Variants in PRKN observed in about 807,000 individuals in gnomAD.
PRKN encodes the protein parkin RBR E3 ubiquitin protein ligase.
In PRKN, 56 loss-of-function variants were observed where a neutral mutation model predicts 59.5. That is an observed-to-expected ratio of 0.94 (90% CI 0.76 to 1.18). The LOEUF is 1.18. PRKN is among the 50% of genes most tolerant of loss of function. The pLI, the probability that PRKN is intolerant of heterozygous loss-of-function variation, is 0.00. For missense variants in PRKN, 657 were observed against 596.4 expected, an observed-to-expected ratio of 1.10 and a Z score of -1.06; for synonymous variants, 250 against 222.1, an observed-to-expected ratio of 1.13 and a Z score of -1.12.
intron 2 of PRKN, among the ~76,000 whole-genome samples, chr6:162,366,208 T>C (rs1562704920): frequency 6.6e-6 from 1 of 152,260 alleles, no homozygotes; most frequent in Non-Finnish European, 1.5e-5. Flanking sequence ...AGAATCTTTT[T>C]ACATTTATCA....
intron 1 of PRKN, among the ~76,000 whole-genome samples, chr6:162,570,185 C>A (rs975267327): frequency 6.6e-6 from 1 of 152,044 alleles, no homozygotes; most frequent in African/African-American, 2.4e-5. Flanking sequence ...ATACAAATGG[C>A]AAACAGGCAT....
intron 1 of PRKN, among the ~76,000 whole-genome samples, chr6:162,595,806 T>C (rs190999181): frequency 1.3e-3 from 194 of 152,304 alleles, no homozygotes; most frequent in African/African-American, 4.5e-3. Context: ...TACTTACTTT[T>C]AACAGGCTCC....
chr6:161,917,917 A>G (rs558454828), intron 6 of PRKN, among the ~76,000 whole-genome samples: 73 of 152,358 alleles, frequency 4.8e-4, no homozygotes, highest in African/African-American at 1.5e-3. Context: ...GAATAAAATT[A>G]TAGGGCAGAA....
In PRKN at chr6:162,568,442, C is replaced by T. The variant is rs376464279; in HGVS notation, c.8-124969G>A. 69 of 608,584 alleles carry T rather than the reference C, an allele frequency of 1.1e-4. 1 individual carries two copies. The highest frequency in any genetic ancestry group is 7.0e-4 in the South Asian group (43 of 61,850). The allele number at this position is 608,584 out of a possible 1,614,324, so 37.7% of individuals were successfully genotyped here. ...CACCTCTATGGGCAGCAGCAGCTTC[C>T]GGGGGTGGCCTGGGTGGAGGCTCTG... On this transcript the variant is annotated intron_variant, in intron 1 of 11. Transcript: ENST00000366898.
At chr6:162,708,155 T>C (rs1231461294) in intron 1 of PRKN, among the ~76,000 whole-genome samples, 3 of 152,186 alleles carry the variant, frequency 2.0e-5, no homozygotes, top group African/African-American at 7.2e-5. Flanking sequence ...TTTGAAAATA[T>C]AAAAAGAATG....
chr6:162,367,056 C>T (rs530722011), intron 2 of PRKN, among the ~76,000 whole-genome samples: 1 of 152,108 alleles, frequency 6.6e-6, no homozygotes, highest in South Asian at 2.1e-4. Context: ...ACGGGAGGGA[C>T]CCGGTGGGAG....
rs1463851566 is a variant in PRKN at position 161,356,474 on chromosome 6, T to C, written c.1285+3614A>G. Among the ~76,000 whole-genome samples, 1 of 152,158 alleles carries C rather than the reference T, an allele frequency of 6.6e-6. No individual in the cohort carries two copies. Among genetic ancestry groups the C allele is most frequent in the Non-Finnish European group, 1.5e-5 (1 of 68,038 alleles). Reference sequence around the variant, plus strand: ...GGCCTTTGAGAAGTCTACACGTCTATGTAGAGGACGGATCATAAATATGCG... The same window carrying C: ...GGCCTTTGAGAAGTCTACACGTCTACGTAGAGGACGGATCATAAATATGCG... On this transcript the variant is annotated intron_variant, in intron 11 of 11. Coordinates refer to ENST00000366898, the MANE Select transcript of PRKN (RefSeq NM_004562.3). This position sits in a 1 kb window ranked among gnomAD's most constrained non-coding sequence, Gnocchi z 7.8.
chr6:162,296,115 G>A (rs917532597), intron 2 of PRKN, among the ~76,000 whole-genome samples: 9 of 152,074 alleles, frequency 5.9e-5, no homozygotes, highest in Non-Finnish European at 2.9e-5. Context: ...AACAAGGAGG[G>A]GAGAGGGACA....
At chr6:161,812,501 A>G (rs754280872) in intron 6 of PRKN, among the ~76,000 whole-genome samples, 8 of 152,230 alleles carry the variant, frequency 5.3e-5, no homozygotes, top group Non-Finnish European at 8.8e-5. Flanking sequence ...TGTTGAGAGT[A>G]TACATAAAAA....
chr6:162,108,474 G>C (rs1780285295), intron 4 of PRKN, among the ~76,000 whole-genome samples: 1 of 152,184 alleles, frequency 6.6e-6, no homozygotes, highest in South Asian at 2.1e-4. Flanking sequence ...TTTACGAAAT[G>C]TCAGTGTTTC....
intron 5 of PRKN, among the ~76,000 whole-genome samples, chr6:162,032,020 C>T (rs1273687220): frequency 6.6e-6 from 1 of 152,152 alleles, no homozygotes; most frequent in African/African-American, 2.4e-5. Context: ...CCTCTGGTTG[C>T]CTTTGTACTC....
rs1445973100 is a variant in PRKN at position 161,354,574 on chromosome 6, G to A, written c.1286-4363C>T. 6.6e-6 allele frequency among the ~76,000 whole-genome samples: 1 copy of A among 152,142 alleles called. No homozygotes were observed. Among genetic ancestry groups the A allele is most frequent in the Non-Finnish European group, 1.5e-5 (1 of 68,028 alleles). On this transcript the variant is annotated intron_variant, in intron 11 of 11. Coordinates refer to ENST00000366898, the MANE Select transcript of PRKN (RefSeq NM_004562.3). This position sits in a 1 kb window ranked among gnomAD's most constrained non-coding sequence, Gnocchi z 6.7. ...TTTCTGGAGACTGGAGTGGATTATA[G>A]GAGAAAGTACCAGGGTTTAGCCTGT... is the stretch of plus-strand genomic sequence containing the variant.
chr6:161,595,498 C>T (rs1214313822), intron 7 of PRKN, among the ~76,000 whole-genome samples: 1 of 152,212 alleles, frequency 6.6e-6, no homozygotes, highest in East Asian at 1.9e-4. Context: ...CAATCTCTTT[C>T]CACGCAGACA....
intron 1 of PRKN, among the ~76,000 whole-genome samples, chr6:162,593,054 T>C (rs1781370746): frequency 6.6e-6 from 1 of 152,078 alleles, no homozygotes; most frequent in Non-Finnish European, 1.5e-5. Context: ...GAGAGACAAG[T>C]GCTGCTGGAT....
chr6:162,479,405 T>A (rs754712245), intron 1 of PRKN, among the ~76,000 whole-genome samples: 1 of 152,036 alleles, frequency 6.6e-6, no homozygotes, highest in East Asian at 1.9e-4. Flanking sequence ...TTTTTTGTAT[T>A]TTTAGTAGAG....
At chr6:162,131,522 A>G (rs1021328788) in intron 4 of PRKN, among the ~76,000 whole-genome samples, 70 of 152,216 alleles carry the variant, frequency 4.6e-4, no homozygotes, top group Admixed American at 4.6e-3. Context: ...GGACTGAATT[A>G]ATGAAGCTAT....
Position 161,447,138 on chromosome 6 carries a change from C to T in PRKN, c.1084-60261G>A, listed in dbSNP as rs1724135439. On this transcript the variant is annotated intron_variant, in intron 9 of 11. Coordinates refer to ENST00000366898, the MANE Select transcript of PRKN (RefSeq NM_004562.3). This position sits in a 1 kb window ranked among gnomAD's most constrained non-coding sequence, Gnocchi z 4.1. Reference sequence around the variant, plus strand: ...CCCACACTGAGCGTTACTATAGCAACATCTTTCCTGCTACTAGGACAGTTA... The same window carrying T: ...CCCACACTGAGCGTTACTATAGCAATATCTTTCCTGCTACTAGGACAGTTA... Among the ~76,000 whole-genome samples the T allele has an allele frequency of 6.6e-6, 1 of 152,178 alleles. No homozygotes were observed. Among genetic ancestry groups the T allele is most frequent in the South Asian group, 2.1e-4 (1 of 4,834 alleles).
Position 161,487,070 on chromosome 6 carries a change from G to A in PRKN, c.1083+61784C>T, listed in dbSNP as rs757720162. 1.3e-5 allele frequency among the ~76,000 whole-genome samples: 2 copies of A among 152,136 alleles called. No homozygotes were observed. The highest frequency in any genetic ancestry group is 1.3e-4 in the Admixed American group (2 of 15,266). ...GTGAATAGGTGCCACGGAGTGAGAC[G>A]GGGAAAGATGGGTGTCCTGGTTGAG... is the stretch of plus-strand genomic sequence containing the variant. On this transcript the variant is annotated intron_variant, in intron 9 of 11. Transcript: ENST00000366898. This position sits in a 1 kb window ranked among gnomAD's most constrained non-coding sequence, Gnocchi z 5.3.
chr6:161,681,003 C>T (rs759553657), intron 7 of PRKN, among the ~76,000 whole-genome samples: 1 of 151,808 alleles, frequency 6.6e-6, no homozygotes, highest in Non-Finnish European at 1.5e-5. Context: ...CTCTGTTGCC[C>T]AGGCTAGAGT....
Sources: allele counts gnomAD v4.1 joint callset (sites outside exome capture counted in the v4.1 genomes callset), GRCh38; gene constraint gnomAD v4.1.1; non-coding constraint Gnocchi (gnomAD v3.1); transcripts MANE v1.5; gene names NCBI Gene and HGNC (gene_info 2026-07-23, HGNC 2026-07-21).